UBE2K: variants seen among roughly 807,000 people sequenced by gnomAD.
The protein encoded by UBE2K is ubiquitin conjugating enzyme E2 K, also known as ubiquitin-conjugating enzyme E2 K.
A neutral mutation model predicts 30.0 loss-of-function variants in UBE2K; 6 were observed. The observed-to-expected ratio is 0.20, with a 90% CI of 0.11 to 0.39. The LOEUF (loss-of-function observed/expected upper bound fraction) is 0.39, where lower values mean the gene tolerates loss of function less well. Among genes scored for constraint, UBE2K ranks in the 10% least tolerant of loss-of-function variants. The pLI is 1.00. For missense variants in UBE2K, 61 were observed against 241.6 expected (o/e 0.25, Z 4.96); for synonymous variants, 86 against 83.7 (o/e 1.03, Z -0.15).
intron 3 of UBE2K, among the ~76,000 whole-genome samples, chr4:39,749,512 A>G (rs915229377): frequency 8.1e-6 from 1 of 123,772 alleles, no homozygotes; most frequent in Admixed American, 7.4e-5. Context: ...AAAACTAAAC[A>G]AAACAAAACA....
At chr4:39,703,631 G>A (rs1348415408) in intron 1 of UBE2K, among the ~76,000 whole-genome samples, 9 of 151,576 alleles carry the variant, frequency 5.9e-5, no homozygotes, top group Admixed American at 5.9e-4. Flanking sequence ...GGTGGATCAC[G>A]AGGTCAGGAG....
At chr4:39,708,118 T>C (rs182102870) in intron 1 of UBE2K, among the ~76,000 whole-genome samples, 3 of 152,090 alleles carry the variant, frequency 2.0e-5, no homozygotes, top group African/African-American at 7.2e-5. Flanking sequence ...CAGGCTGGTC[T>C]CGAACTCCGG....
chr4:39,747,147 T>G (rs371735680), intron 3 of UBE2K, among the ~76,000 whole-genome samples: 19 of 152,358 alleles, frequency 1.2e-4, no homozygotes, highest in African/African-American at 4.6e-4. Context: ...GTCTATTGTT[T>G]ATGTACATCT....
chr4:39,702,286 C>A (rs1169240729), intron 1 of UBE2K, among the ~76,000 whole-genome samples: 1 of 90,374 alleles, frequency 1.1e-5, no homozygotes, highest in African/African-American at 3.8e-5. Context: ...CGGAGTTTTG[C>A]TTTTGTTGCC....
Position 39,724,583 on chromosome 4 carries a change from CAAAAAAAAA to C in UBE2K, c.64-12818_64-12810del, listed in dbSNP as rs60854193. On this transcript the variant is annotated intron_variant, in intron 1 of 6. Coordinates refer to ENST00000261427, the MANE Select transcript of UBE2K (RefSeq NM_005339.5). Reference sequence around the variant, plus strand: ...GCAACATGGTAAAACCCCGTCTCTGCAAAAAAAAAAAAAAAAAAAAAAAAAAATACAAAA... The same window carrying C: ...GCAACATGGTAAAACCCCGTCTCTGCAAAAAAAAAAAAAAAAAATACAAAA... 5.6e-4 allele frequency among the ~76,000 whole-genome samples: 29 copies of C among 52,156 alleles called. No homozygotes were observed. The South Asian group carries it at 0.02, about 35-fold the overall frequency. The allele number at this position is 52,156 out of a possible 152,430, so 34.2% of individuals were successfully genotyped here. A position where few individuals can be genotyped will look rare whatever the true frequency, so the allele number is the denominator to read the frequency against.
At chr4:39,746,536 GTTTTGATCATGCTGC>G (rs1226578065) in intron 3 of UBE2K, among the ~76,000 whole-genome samples, 3 of 152,134 alleles carry the variant, frequency 2.0e-5, no homozygotes, top group Non-Finnish European at 2.9e-5. Flanking sequence ...CTAGAGTTCA[GTTTTGATCATGCTGC>G]TTTTCTTTCC....
chr4:39,753,454 G>A (rs866710782), intron 3 of UBE2K, among the ~76,000 whole-genome samples: 3 of 152,134 alleles, frequency 2.0e-5, no homozygotes, highest in South Asian at 2.1e-4. Context: ...CATTTTTGCC[G>A]TAATATTAAG....
At chr4:39,736,008 TTG>T (rs1720357052) in intron 1 of UBE2K, among the ~76,000 whole-genome samples, 1 of 56,958 alleles carries the variant, frequency 1.8e-5, no homozygotes, top group African/African-American at 1.2e-4. Context: ...AGAGTAAAAA[TTG>T]TGGTTTTTTT....
chr4:39,738,980 C>G (rs1720523292), intron 2 of UBE2K, among the ~76,000 whole-genome samples: 1 of 151,056 alleles, frequency 6.6e-6, no homozygotes, highest in Admixed American at 6.6e-5. Context: ...CGGCCACCAG[C>G]TAAATACTTT....
At chr4:39,733,056 A>AGG in intron 1 of UBE2K, among the ~76,000 whole-genome samples, 1 of 149,412 alleles carries the variant, frequency 6.7e-6, no homozygotes, top group East Asian at 1.9e-4. Flanking sequence ...ATCAGGAAAA[A>AGG]AAAAAAAAAA....
chr4:39,730,583 C>G (rs1024947710), intron 1 of UBE2K, among the ~76,000 whole-genome samples: 1 of 151,908 alleles, frequency 6.6e-6, no homozygotes, highest in African/African-American at 2.4e-5. Flanking sequence ...GCCTGGCCAA[C>G]ATGGTGAAAC....
intron 3 of UBE2K, among the ~76,000 whole-genome samples, chr4:39,748,726 A>G (rs575952792): frequency 4.9e-4 from 74 of 152,210 alleles, no homozygotes; most frequent in African/African-American, 1.8e-3. Context: ...TTCAACCCCA[A>G]TTTGTATTAC....
At chr4:39,746,656 C>T (rs1721003867) in intron 3 of UBE2K, among the ~76,000 whole-genome samples, 1 of 152,206 alleles carries the variant, frequency 6.6e-6, no homozygotes, top group South Asian at 2.1e-4. Flanking sequence ...CTTCCACCCA[C>T]AATGTGGGTC....
chr4:39,761,878 T>G (rs1270058499), intron 4 of UBE2K, among the ~76,000 whole-genome samples: 2 of 151,928 alleles, frequency 1.3e-5, no homozygotes, highest in East Asian at 3.9e-4. Flanking sequence ...TTTTTTAAAG[T>G]TTTAGGCCGG....
chr4:39,778,097 CAAAAAAAAAAAAAAAA>C (rs36215155), intron 6 of UBE2K, among the ~76,000 whole-genome samples: 3 of 51,740 alleles, frequency 5.8e-5, no homozygotes, highest in African/African-American at 2.3e-4. Flanking sequence ...GACCCTGTCT[CAAAAAAAAAAAAAAAA>C]AAAAAAAAAA....
rs1449611463 is a variant in UBE2K, at chr4:39,774,852, C to T, written c.318C>T (p.Leu106=). ...ATTTTAGGGCAGCTGCAATGACTCT[C>T]CGCACGGTATTATTGTCATTGCAAG... is the stretch of plus-strand genomic sequence containing the variant. The part of the protein sequence containing the change: ...LKDQWAAAMT[L]RTVLLSLQAL... The change falls in exon 5 of 7, where the codon CTC becomes CTT. Residue 106 remains leucine (L), a synonymous_variant. Coordinates refer to ENST00000261427, the MANE Select transcript of UBE2K (RefSeq NM_005339.5). 6.4e-6 allele frequency: 10 copies of T among 1,570,742 alleles called. No individual in the cohort carries two copies. The highest frequency in any genetic ancestry group is 3.5e-5 in the Admixed American group (2 of 57,918).
At chr4:39,716,083 C>G (rs542804114) in intron 1 of UBE2K, among the ~76,000 whole-genome samples, 84 of 152,312 alleles carry the variant, frequency 5.5e-4, no homozygotes, top group African/African-American at 1.9e-3. Context: ...TGCTCTGATA[C>G]TGCTCTTTTC....
At chr4:39,749,453 C>A (rs770740022) in intron 3 of UBE2K, among the ~76,000 whole-genome samples, 9 of 151,928 alleles carry the variant, frequency 5.9e-5, no homozygotes, top group Non-Finnish European at 8.8e-5. Context: ...GGCTTGAGCT[C>A]AGAAGTTCAT....
intron 1 of UBE2K, among the ~76,000 whole-genome samples, chr4:39,709,700 T>C (rs1445329777): frequency 6.6e-6 from 1 of 152,044 alleles, no homozygotes; most frequent in Admixed American, 6.6e-5. Flanking sequence ...CAAAGGAATA[T>C]ATGTGGGCTC....
Sources: gnomAD v4.1 joint callset for allele counts (sites outside exome capture counted in the v4.1 genomes callset) on GRCh38, gnomAD v4.1.1 for gene constraint, MANE v1.5 for transcripts, NCBI Gene and HGNC (gene_info 2026-07-23, HGNC 2026-07-21) for gene names.